The following B4GALT4 variants were observed in gnomAD, a reference collection of about 807,000 sequenced individuals.
B4GALT4 encodes the protein N-acetyllactosamine synthase.
Under a neutral mutation model 37.3 loss-of-function variants are expected in B4GALT4, and 27 were observed. That is an observed-to-expected ratio of 0.72 (90% confidence interval 0.53 to 1.00). B4GALT4 has a LOEUF of 1.00. Ranked by LOEUF, B4GALT4 falls within the 50% of genes least tolerant of loss-of-function variation. B4GALT4 has a pLI of 0.00. For missense variants in B4GALT4, 372 were observed against 413.1 expected (o/e 0.90, Z 0.86); for synonymous variants, 148 against 154.1 (o/e 0.96, Z 0.29).
Position 119,224,708 on chromosome 3 carries a change from G to A in B4GALT4, c.487-463C>T, listed in dbSNP as rs755774841. On this transcript the variant is annotated intron_variant, in intron 4 of 7. Coordinates refer to ENST00000393765, the MANE Select transcript of B4GALT4 (RefSeq NM_003778.4). ...AAGTTAAGATGGTAAATTTTACATC[G>A]TGTGTTTCACAATTAAAAATTTTTT... Among the ~76,000 whole-genome samples, 6 of 152,164 alleles carry A rather than the reference G, an allele frequency of 3.9e-5. No individual in the cohort carries two copies. The South Asian group carries it at 8.3e-4, about 21-fold the overall frequency.
At chr3:119,228,476 A>C (rs1181739904) in intron 3 of B4GALT4, among the ~76,000 whole-genome samples, 1 of 152,206 alleles carries the variant, frequency 6.6e-6, no homozygotes, top group African/African-American at 2.4e-5. Flanking sequence ...TTTATGAATG[A>C]ATTTACTGTT....
chr3:119,229,810 G>A (rs370499485), intron 3 of B4GALT4, 37 bp downstream of exon 3: 5 of 1,600,516 alleles, frequency 3.1e-6, no homozygotes, highest in Non-Finnish European at 3.4e-6. Flanking sequence ...TAAAAAGTTT[G>A]CATACTACTT....
At chr3:119,223,874 G>A (rs2078520873) in intron 5 of B4GALT4, among the ~76,000 whole-genome samples, 184 bp downstream of exon 5, 3 of 152,224 alleles carry the variant, frequency 2.0e-5, no homozygotes, top group Admixed American at 6.5e-5. Context: ...CTCTGCTGAA[G>A]TTGTAGGGCT....
intron 2 of B4GALT4, among the ~76,000 whole-genome samples, chr3:119,236,645 T>C (rs541500387): frequency 1.3e-5 from 2 of 152,318 alleles, no homozygotes; most frequent in East Asian, 3.9e-4. Context: ...GACTAGGATA[T>C]ACTAGTTGAA....
At chr3:119,224,512 G>A (rs756644201) in intron 4 of B4GALT4, among the ~76,000 whole-genome samples, 4 of 152,162 alleles carry the variant, frequency 2.6e-5, no homozygotes, top group Admixed American at 6.5e-5. Context: ...GAGAGTTCCA[G>A]TTTTGCAAGA....
In B4GALT4 at chr3:119,212,031, T is replaced by G; in HGVS notation, c.*518A>C. 1.5e-6 allele frequency: 1 copy of G among 650,080 alleles called. No homozygotes were observed. The highest frequency in any genetic ancestry group is 2.8e-6 in the Non-Finnish European group (1 of 359,330). The allele number at this position is 650,080 out of a possible 1,614,324, so 40.3% of individuals were successfully genotyped here. On this transcript the variant is annotated 3_prime_UTR_variant, in exon 8 of 8. Transcript: ENST00000393765. ...CATTCCCAAGTTCACTGTGTCCTGA[T>G]TCGTCGCCTTTTCTCCCCTCTTTTG...
intron 2 of B4GALT4, among the ~76,000 whole-genome samples, chr3:119,234,455 G>A (rs940362401): frequency 1.3e-5 from 2 of 152,144 alleles, no homozygotes; most frequent in Admixed American, 6.5e-5. Flanking sequence ...AATTACCAAT[G>A]TGATTCATGT....
intron 5 of B4GALT4, among the ~76,000 whole-genome samples, chr3:119,219,327 C>T (rs900733408): frequency 2.0e-5 from 3 of 152,232 alleles, no homozygotes; most frequent in East Asian, 1.9e-4. Flanking sequence ...GATAACCCAA[C>T]ACATGTCAAC....
At chr3:119,226,741 G>T in intron 4 of B4GALT4, 68 bp downstream of exon 4, 2 of 1,368,824 alleles carry the variant, frequency 1.5e-6, no homozygotes, top group Non-Finnish European at 2.0e-6. Context: ...TAGACAAACA[G>T]TCACATGGCC....
chr3:119,223,419 T>C (rs1162717091), intron 5 of B4GALT4, among the ~76,000 whole-genome samples: 5 of 152,140 alleles, frequency 3.3e-5, no homozygotes, highest in Non-Finnish European at 5.9e-5. Context: ...CTATTCCCGC[T>C]TGGTTGTGCT....
intron 5 of B4GALT4, among the ~76,000 whole-genome samples, chr3:119,222,350 T>A (rs1333745064): frequency 6.6e-6 from 1 of 152,170 alleles, no homozygotes; most frequent in Non-Finnish European, 1.5e-5. Flanking sequence ...AACCCCTAGA[T>A]AATAAGATTA....
Position 119,229,720 on chromosome 3 carries a change from G to A in B4GALT4, c.253+127C>T. On this transcript the variant is annotated intron_variant, in intron 3 of 7. Coordinates refer to ENST00000393765, the MANE Select transcript of B4GALT4 (RefSeq NM_003778.4). ...TATATTTATTTTATTTGAATGTATA[G>A]TTTTTGTGACACAGGAGATATATAT... 3.9e-6 allele frequency: 4 copies of A among 1,031,134 alleles called. No homozygotes were observed. In the South Asian group the frequency reaches 7.4e-5, roughly 19 times the overall value. The allele number at this position is 1,031,134 out of a possible 1,614,324, so 63.9% of individuals were successfully genotyped here. A position where few individuals can be genotyped will look rare whatever the true frequency, so the allele number is the denominator to read the frequency against.
chr3:119,218,875 C>T, intron 5 of B4GALT4, 103 bp from the exon 6 acceptor site: 5 of 1,356,840 alleles, frequency 3.7e-6, no homozygotes, highest in Non-Finnish European at 5.1e-6. Context: ...TGTACTTCCA[C>T]CCACCCACTC....
chr3:119,226,775 T>A (rs1469742288), intron 4 of B4GALT4, 34 bp downstream of exon 4: 2 of 1,570,296 alleles, frequency 1.3e-6, no homozygotes, highest in African/African-American at 1.4e-5. Flanking sequence ...AAGAGGAGGG[T>A]CGAGGGCAGG....
intron 4 of B4GALT4, 40 bp from the exon 5 acceptor site, chr3:119,224,285 T>C (rs1414819814): frequency 6.7e-7 from 1 of 1,494,934 alleles, no homozygotes; most frequent in African/African-American, 1.4e-5. Flanking sequence ...GCTCCTGAGA[T>C]AAAGTTTCAT....
intron 6 of B4GALT4, among the ~76,000 whole-genome samples, chr3:119,216,614 G>A (rs932004187): frequency 6.6e-6 from 1 of 152,106 alleles, no homozygotes; most frequent in Non-Finnish European, 1.5e-5. Flanking sequence ...CAAAGGAGAT[G>A]TGTTAGTTTA....
intron 4 of B4GALT4, 105 bp from the exon 5 acceptor site, chr3:119,224,350 G>A (rs1402080408): frequency 1.4e-4 from 98 of 722,274 alleles, no homozygotes; most frequent in Middle Eastern, 3.6e-4. Context: ...ATTATTCTAC[G>A]CACGAGACTA....
intron 5 of B4GALT4, among the ~76,000 whole-genome samples, chr3:119,219,178 T>C (rs1442869037): frequency 6.6e-6 from 1 of 152,192 alleles, no homozygotes; most frequent in African/African-American, 2.4e-5. Flanking sequence ...CGAATGCGTG[T>C]CATGATGAAT....
At chr3:119,217,292 C>CT (rs1242284328) in intron 6 of B4GALT4, among the ~76,000 whole-genome samples, 2 of 149,894 alleles carry the variant, frequency 1.3e-5, no homozygotes, top group South Asian at 2.1e-4. Flanking sequence ...AGCACGTACC[C>CT]TCTGTCCAGT....
Sources: gnomAD v4.1 joint callset for allele counts (sites outside exome capture counted in the v4.1 genomes callset) on GRCh38, gnomAD v4.1.1 for gene constraint, MANE v1.5 for transcripts, NCBI Gene and HGNC (gene_info 2026-07-23, HGNC 2026-07-21) for gene names.